RIMS2: variants seen among roughly 807,000 people sequenced by gnomAD.
The protein encoded by RIMS2 is regulating synaptic membrane exocytosis protein 2.
In RIMS2, 59 loss-of-function variants were observed where a neutral mutation model predicts 174.4. The observed-to-expected ratio is 0.34, with a 90% CI of 0.27 to 0.42. The LOEUF (loss-of-function observed/expected upper bound fraction) is 0.42. Among genes scored for constraint, RIMS2 ranks in the 10% least tolerant of loss-of-function variants. The probability of loss-of-function intolerance (pLI) is 1.00; values close to 1 mark genes in which losing one functional copy is unlikely to be tolerated. For missense variants in RIMS2, 1,620 were observed against 1,666.3 expected (o/e 0.97, Z 0.48); for synonymous variants, 606 against 572.5 (o/e 1.06, Z -0.84).
At chr8:103,722,057 T>C (rs149653345) in intron 2 of RIMS2, among the ~76,000 whole-genome samples, 1 of 152,190 alleles carries the variant, frequency 6.6e-6, no homozygotes, top group African/African-American at 2.4e-5. Flanking sequence ...AGGGTAGATA[T>C]GTTTATTAAT....
intron 1 of RIMS2, among the ~76,000 whole-genome samples, chr8:103,531,538 C>T (rs938939293): frequency 1.3e-5 from 2 of 152,154 alleles, no homozygotes; most frequent in African/African-American, 2.4e-5. Flanking sequence ...CCCACACCCT[C>T]ATACCTCACC....
At chr8:103,654,607 C>A (rs892927455) in intron 1 of RIMS2, among the ~76,000 whole-genome samples, 2 of 151,858 alleles carry the variant, frequency 1.3e-5, no homozygotes, top group East Asian at 1.9e-4. Flanking sequence ...AGAAGCCTTC[C>A]TTTTATCTTT....
At chr8:103,579,258 GTC>G (rs796842617) in intron 1 of RIMS2, among the ~76,000 whole-genome samples, 56,623 of 150,640 alleles carry the variant, frequency 0.38, 10,905 homozygotes, top group African/African-American at 0.4. Context: ...CTCTGTCTCT[GTC>G]TCACACACAC....
At chr8:104,192,007 G>C (rs577705595) in intron 19 of RIMS2, among the ~76,000 whole-genome samples, 231 of 152,238 alleles carry the variant, frequency 1.5e-3, no homozygotes, top group Non-Finnish European at 2.4e-3. Context: ...GAAGAATTAA[G>C]CCTAATGAAA....
intron 3 of RIMS2, among the ~76,000 whole-genome samples, chr8:103,871,857 T>C (rs987925560): frequency 1.3e-5 from 2 of 152,216 alleles, no homozygotes; most frequent in African/African-American, 4.8e-5. Flanking sequence ...AACGAATTCT[T>C]TCTTTCTCTC....
At chr8:104,199,380 A>G (rs1455869696) in intron 19 of RIMS2, among the ~76,000 whole-genome samples, 2 of 152,138 alleles carry the variant, frequency 1.3e-5, no homozygotes, top group African/African-American at 2.4e-5. Flanking sequence ...CAAGATCTAT[A>G]TAGGATTTTC....
At chr8:103,737,561 A>G (rs1033048448) in intron 2 of RIMS2, among the ~76,000 whole-genome samples, 1 of 152,008 alleles carries the variant, frequency 6.6e-6, no homozygotes, top group Non-Finnish European at 1.5e-5. Context: ...GGTATTTTTC[A>G]AAATGCAATC....
chr8:103,614,196 G>T (rs988379496), intron 1 of RIMS2, among the ~76,000 whole-genome samples: 1 of 152,248 alleles, frequency 6.6e-6, no homozygotes, highest in Non-Finnish European at 1.5e-5. Context: ...GTCTTGCCAA[G>T]AAACTTGAGT....
At chr8:103,910,075 T>A (rs1300239796) in intron 4 of RIMS2, 6 of 1,021,572 alleles carry the variant, frequency 5.9e-6, no homozygotes, top group Non-Finnish European at 7.6e-6. Context: ...TTATAATGTC[T>A]CTGTCTGTCC....
chr8:104,203,153 G>A (rs1159334889), intron 19 of RIMS2, among the ~76,000 whole-genome samples: 2 of 152,062 alleles, frequency 1.3e-5, no homozygotes, highest in Non-Finnish European at 2.9e-5. Flanking sequence ...AACATTTATA[G>A]TAGTAATACA....
chr8:104,202,631 C>G (rs1209507295), intron 19 of RIMS2, among the ~76,000 whole-genome samples: 1 of 152,194 alleles, frequency 6.6e-6, no homozygotes, highest in Non-Finnish European at 1.5e-5. Flanking sequence ...CACTTTCTTG[C>G]TACCTCTTCA....
intron 19 of RIMS2, among the ~76,000 whole-genome samples, chr8:104,117,159 G>C (rs2098291530): frequency 6.6e-6 from 1 of 151,574 alleles, no homozygotes; most frequent in South Asian, 2.1e-4. Context: ...GTCCAGTGTG[G>C]GCAACACAGC....
intron 19 of RIMS2, among the ~76,000 whole-genome samples, chr8:104,142,598 T>G (rs971025706): frequency 1.3e-5 from 2 of 152,162 alleles, no homozygotes; most frequent in African/African-American, 4.8e-5. Flanking sequence ...ATTACAGGCC[T>G]CCTGGATGCT....
chr8:103,580,942 G>T (rs2449916), intron 1 of RIMS2, among the ~76,000 whole-genome samples: 58,763 of 149,926 alleles, frequency 0.39, 12,107 homozygotes, highest in East Asian at 0.77. Flanking sequence ...CCATTCTCCT[G>T]CCTCAGCCTC....
chr8:104,098,772 A>G (rs1334091018), intron 19 of RIMS2, among the ~76,000 whole-genome samples: 2 of 152,208 alleles, frequency 1.3e-5, no homozygotes, highest in African/African-American at 2.4e-5. Context: ...CATTTATTCA[A>G]AGTCACTGCT....
intron 6 of RIMS2, among the ~76,000 whole-genome samples, chr8:103,913,411 G>T (rs935816779): frequency 1.7e-4 from 26 of 152,006 alleles, no homozygotes; most frequent in Admixed American, 5.9e-4. Flanking sequence ...TCCAGCCTGG[G>T]CAACAGAGTG....
At chr8:104,191,067 C>G (rs2098995275) in intron 19 of RIMS2, among the ~76,000 whole-genome samples, 2 of 151,876 alleles carry the variant, frequency 1.3e-5, no homozygotes, top group Admixed American at 1.3e-4. Context: ...GGTTTGTTAC[C>G]TAAATCATTA....
chr8:104,111,940 T>C (rs971476903), intron 19 of RIMS2, among the ~76,000 whole-genome samples: 2 of 152,224 alleles, frequency 1.3e-5, no homozygotes, highest in African/African-American at 2.4e-5. Flanking sequence ...TCTATCCTAT[T>C]CTTGCCATAA....
chr8:103,849,249 A>T (rs1267787913), intron 3 of RIMS2, among the ~76,000 whole-genome samples: 1 of 152,002 alleles, frequency 6.6e-6, no homozygotes, highest in Non-Finnish European at 1.5e-5. Flanking sequence ...AAGTAATCCA[A>T]CTCCAGAATT....
Sources: allele counts gnomAD v4.1 joint callset (sites outside exome capture counted in the v4.1 genomes callset), GRCh38; gene constraint gnomAD v4.1.1; transcripts MANE v1.5; gene names NCBI Gene and HGNC (gene_info 2026-07-23, HGNC 2026-07-21).